The following CHL1 variants were observed in gnomAD, a reference collection of about 807,000 sequenced individuals.
The protein encoded by CHL1 is neural cell adhesion molecule L1-like protein.
Under a neutral mutation model 141.9 loss-of-function variants are expected in CHL1, and 96 were observed. That is an observed-to-expected ratio of 0.68 (90% confidence interval 0.57 to 0.80). CHL1 has a LOEUF of 0.80. Ranked by LOEUF, CHL1 falls within the 30% of genes least tolerant of loss-of-function variation. The pLI is 0.00. For synonymous variants in CHL1, 613 were observed against 502.2 expected (o/e 1.22, Z -2.95); for missense variants, 1,820 against 1,457.2 (o/e 1.25, Z -4.05).
At chr3:225,783 G>A (rs184746270) in intron 1 of CHL1, among the ~76,000 whole-genome samples, 1 of 152,218 alleles carries the variant, frequency 6.6e-6, no homozygotes, top group African/African-American at 2.4e-5. Flanking sequence ...GCTGAGGTGG[G>A]CAGATCACGA....
chr3:252,380 A>ATATATG (rs1164081669), intron 2 of CHL1, among the ~76,000 whole-genome samples: 9 of 136,798 alleles, frequency 6.6e-5, no homozygotes, highest in African/African-American at 2.5e-4. Context: ...ATATATATAT[A>ATATATG]TATATATATA....
chr3:277,629 A>G (rs1006324133), intron 2 of CHL1, among the ~76,000 whole-genome samples: 1 of 152,222 alleles, frequency 6.6e-6, no homozygotes, highest in Non-Finnish European at 1.5e-5. Context: ...AATGCAAAAA[A>G]AGGGCATTCA....
At chr3:330,776 T>C (rs981363741) in intron 5 of CHL1, among the ~76,000 whole-genome samples, 2 of 152,152 alleles carry the variant, frequency 1.3e-5, no homozygotes, top group Non-Finnish European at 1.5e-5. Flanking sequence ...GTAGAAATTA[T>C]TAAAGAATAA....
At position 377,826 on chromosome 3, in the gene CHL1, T is replaced by C. The variant is rs759488736; in HGVS notation, c.1760T>C (p.Ile587Thr). 145 of 1,605,402 alleles carry C rather than the reference T, an allele frequency of 9.0e-5. No homozygotes were observed. The highest frequency in any genetic ancestry group is 1.2e-4 in the Non-Finnish European group (139 of 1,174,316). ...INGTEDGRII[I>T]DGANLTISNV... Reference sequence around the variant, plus strand: ...CACTTTTTTTCTGATAGGATAATTATTGATGGAGCTAATTTGACCATATCT... The same window carrying C: ...CACTTTTTTTCTGATAGGATAATTACTGATGGAGCTAATTTGACCATATCT... Residue 587 changes from isoleucine to threonine, a missense_variant, in exon 16 of 28, where the codon ATT (isoleucine) becomes ACT (threonine). Coordinates refer to ENST00000256509, the MANE Select transcript of CHL1 (RefSeq NM_006614.4).
intron 1 of CHL1, among the ~76,000 whole-genome samples, chr3:231,420 G>A (rs1701838149): frequency 6.6e-6 from 1 of 151,988 alleles, no homozygotes; most frequent in African/African-American, 2.4e-5. Context: ...GAGAACTGAA[G>A]CAGGCTTAGC....
At chr3:382,420 T>A in intron 17 of CHL1, 54 bp from the exon 18 acceptor site, 1 of 1,518,486 alleles carries the variant, frequency 6.6e-7, no homozygotes, top group Non-Finnish European at 9.1e-7. Flanking sequence ...AATTTTGGTA[T>A]AACTTATCCA....
In CHL1 at chr3:255,982, T is replaced by C. The variant is rs1027989702; in HGVS notation, c.-95+11290T>C. On this transcript the variant is annotated intron_variant, in intron 2 of 27. Coordinates refer to ENST00000256509, the MANE Select transcript of CHL1 (RefSeq NM_006614.4). ...TCTTACCTTGCCTACTTCCACACTTTCAACTTTCTAAAATTCCTGGGATTC... is the reference window on the plus strand; with the variant it reads ...TCTTACCTTGCCTACTTCCACACTTCCAACTTTCTAAAATTCCTGGGATTC... 1.1e-4 allele frequency among the ~76,000 whole-genome samples: 16 copies of C among 152,316 alleles called. No individual in the cohort carries two copies. The East Asian group carries it at 3.1e-3, about 29-fold the overall frequency.
At chr3:297,977 G>T (rs1698354972) in intron 2 of CHL1, among the ~76,000 whole-genome samples, 1 of 152,094 alleles carries the variant, frequency 6.6e-6, no homozygotes, top group Non-Finnish European at 1.5e-5. Context: ...AAGGTACAGG[G>T]GTAGAGAATA....
chr3:223,561 G>A (rs953978128), intron 1 of CHL1, among the ~76,000 whole-genome samples: 1 of 152,198 alleles, frequency 6.6e-6, no homozygotes, highest in Non-Finnish European at 1.5e-5. Context: ...ATTTACTGCA[G>A]TTGTTAATAT....
At chr3:315,897 A>ACT (rs1257719908) in intron 2 of CHL1, among the ~76,000 whole-genome samples, 3 of 151,732 alleles carry the variant, frequency 2.0e-5, no homozygotes, top group Non-Finnish European at 2.9e-5. Context: ...AAGGAAAACA[A>ACT]CTCTCTCTCT....
At chr3:226,076 C>T (rs1305624532) in intron 1 of CHL1, among the ~76,000 whole-genome samples, 2 of 150,862 alleles carry the variant, frequency 1.3e-5, no homozygotes, top group Admixed American at 6.6e-5. Flanking sequence ...GGAGAGAGTG[C>T]GGAGGCACGA....
intron 1 of CHL1, among the ~76,000 whole-genome samples, chr3:226,671 T>C (rs1701383969): frequency 6.6e-6 from 1 of 152,062 alleles, no homozygotes; most frequent in South Asian, 2.1e-4. Context: ...GTTCTTGAAC[T>C]CCTGACCTCA....
At chr3:328,095 G>T in intron 4 of CHL1, 72 bp from the exon 5 acceptor site, 2 of 1,149,338 alleles carry the variant, frequency 1.7e-6, no homozygotes, top group Non-Finnish European at 2.5e-6. Flanking sequence ...TCAATTTTAT[G>T]CAATTGTTAA....
intron 1 of CHL1, among the ~76,000 whole-genome samples, chr3:225,798 AG>A (rs1314730097): frequency 1.3e-5 from 2 of 152,030 alleles, no homozygotes; most frequent in African/African-American, 4.8e-5. Flanking sequence ...TCACGAGGTC[AG>A]GAGATTGAGG....
chr3:395,319 T>A (rs1387305015), intron 24 of CHL1, among the ~76,000 whole-genome samples: 1 of 152,244 alleles, frequency 6.6e-6, no homozygotes, highest in Non-Finnish European at 1.5e-5. Context: ...GATTCATATG[T>A]CAATTTTGTT....
chr3:306,433 T>G (rs1434766799), intron 2 of CHL1, among the ~76,000 whole-genome samples: 1 of 152,152 alleles, frequency 6.6e-6, no homozygotes, highest in Non-Finnish European at 1.5e-5. Context: ...CTTTTTGAAT[T>G]TGAATAAAAA....
intron 2 of CHL1, among the ~76,000 whole-genome samples, chr3:312,481 T>G (rs1185298158): frequency 6.6e-6 from 1 of 152,212 alleles, no homozygotes. Flanking sequence ...GGCAGGTGAT[T>G]GAACAAAAGC....
At chr3:380,828 T>A (rs1160770620) in intron 16 of CHL1, among the ~76,000 whole-genome samples, 1 of 152,202 alleles carries the variant, frequency 6.6e-6, no homozygotes, top group Non-Finnish European at 1.5e-5. Context: ...ATTATACACA[T>A]GATTGAAGTA....
chr3:244,662 A>G lies in CHL1; in HGVS notation c.-125A>G, dbSNP rs544725676. 5 of 152,330 alleles carry G rather than the reference A, an allele frequency of 3.3e-5. No individual in the cohort carries two copies. Among genetic ancestry groups the G allele is most frequent in the Admixed American group, 6.5e-5 (1 of 15,298 alleles). 9.4% of individuals were successfully genotyped at this position (152,330 alleles called of 1,614,324 possible). ...CCTGTCTTAATACTGCAAACAAATCATAGTGGAACTAAGGGGAACTTAATT... is the reference window on the plus strand; with the variant it reads ...CCTGTCTTAATACTGCAAACAAATCGTAGTGGAACTAAGGGGAACTTAATT... On this transcript the variant is annotated 5_prime_UTR_variant, in exon 2 of 28. Coordinates refer to ENST00000256509, the MANE Select transcript of CHL1 (RefSeq NM_006614.4).
Sources: allele counts gnomAD v4.1 joint callset (sites outside exome capture counted in the v4.1 genomes callset), GRCh38; gene constraint gnomAD v4.1.1; transcripts MANE v1.5; gene names NCBI Gene and HGNC (gene_info 2026-07-23, HGNC 2026-07-21).